The following ADGRL2 variants were observed in gnomAD, a reference collection of about 807,000 sequenced individuals.
The protein encoded by ADGRL2 is calcium-independent alpha-latrotoxin receptor 2.
In ADGRL2, 44 loss-of-function variants were observed where a neutral mutation model predicts 157.4. The ratio of observed to expected loss-of-function variants is 0.28; its 90% CI spans 0.22 to 0.36. The LOEUF (loss-of-function observed/expected upper bound fraction) is 0.36, where lower values mean the gene tolerates loss of function less well. Among genes scored for constraint, ADGRL2 ranks in the 10% least tolerant of loss-of-function variants. ADGRL2 has a pLI of 1.00. For missense variants in ADGRL2, 1,510 were observed against 1,768.9 expected, an observed-to-expected ratio of 0.85 and a Z score of 2.63; for synonymous variants, 585 against 624.7, an observed-to-expected ratio of 0.94 and a Z score of 0.95.
chr1:81,759,790 T>C (rs1352469455), intron 1 of ADGRL2, among the ~76,000 whole-genome samples: 8 of 152,140 alleles, frequency 5.3e-5, no homozygotes, highest in African/African-American at 1.9e-4. Flanking sequence ...TTGCTTTATC[T>C]TTATTTTCCT....
At chr1:81,946,120 T>C (rs1431315952) in intron 6 of ADGRL2, among the ~76,000 whole-genome samples, 1 of 152,178 alleles carries the variant, frequency 6.6e-6, no homozygotes, top group African/African-American at 2.4e-5. Context: ...TTTATTTTGC[T>C]GAAATTCGTA....
At chr1:81,538,775 C>G (rs774031804) in intron 2 of ADGRL2, among the ~76,000 whole-genome samples, 1 of 151,982 alleles carries the variant, frequency 6.6e-6, no homozygotes, top group Non-Finnish European at 1.5e-5. Context: ...GAGGCCAAGG[C>G]GGGCAGATTG....
At chr1:81,881,461 C>T (rs2093985796) in intron 2 of ADGRL2, among the ~76,000 whole-genome samples, 1 of 152,214 alleles carries the variant, frequency 6.6e-6, no homozygotes, top group South Asian at 2.1e-4. Flanking sequence ...CAGGCGTGAG[C>T]CACCAAGCCT....
chr1:81,435,891 G>A (rs932466157), intron 1 of ADGRL2, among the ~76,000 whole-genome samples: 2 of 152,288 alleles, frequency 1.3e-5, no homozygotes, highest in Middle Eastern at 3.4e-3. Flanking sequence ...GAGGTCGGGA[G>A]TTTGAGACCA....
intron 1 of ADGRL2, among the ~76,000 whole-genome samples, chr1:81,321,754 T>C (rs1223391636): frequency 6.6e-6 from 1 of 150,486 alleles, no homozygotes; most frequent in Non-Finnish European, 1.5e-5. Flanking sequence ...GTCACAGATA[T>C]AATAAAAATG....
chr1:81,987,829 T>G lies in ADGRL2; in HGVS notation c.3638-40T>G, dbSNP rs190618534. On this transcript the variant is annotated intron_variant, in intron 22 of 23. Transcript: ENST00000686636. ...AATGTAACTGCAGCTTCTCTTTTCA[T>G]TCTCTTGTTTTTTTTCACTTTCCTT... The G allele has an allele frequency of 9.9e-6, 3 of 301,508 alleles. 1 individual carries two copies. In the East Asian group the frequency reaches 3.7e-4, roughly 38 times the overall value. 18.7% of individuals were successfully genotyped at this position (301,508 alleles called of 1,614,324 possible).
intron 2 of ADGRL2, among the ~76,000 whole-genome samples, chr1:81,530,239 C>T (rs1372306985): frequency 6.6e-6 from 1 of 152,118 alleles, no homozygotes; most frequent in African/African-American, 2.4e-5. Context: ...CCAGTACAGG[C>T]CCAGGATACA....
At chr1:81,465,573 A>G (rs369251069) in intron 2 of ADGRL2, among the ~76,000 whole-genome samples, 3 of 152,182 alleles carry the variant, frequency 2.0e-5, no homozygotes, top group East Asian at 1.9e-4. Flanking sequence ...TATTGAGATC[A>G]TAGTACAAAG....
intron 4 of ADGRL2, 132 bp downstream of exon 4, chr1:81,936,969 G>A (rs529929094): frequency 7.1e-6 from 4 of 563,558 alleles, no homozygotes; most frequent in Non-Finnish European, 1.3e-5. Context: ...TAACAGACTT[G>A]GGCCTCCAAT....
At chr1:81,981,107 C>T in intron 18 of ADGRL2, 1 of 447,312 alleles carries the variant, frequency 2.2e-6, no homozygotes, top group Non-Finnish European at 4.4e-6. Flanking sequence ...CTCTTTTCTG[C>T]TTATAATGCT....
At position 81,993,290 on chromosome 1, in the gene ADGRL2, C is replaced by T. The variant is rs1014121098; in HGVS notation, c.*2145C>T. On this transcript the variant is annotated 3_prime_UTR_variant, in exon 24 of 24. Coordinates refer to ENST00000686636, the MANE Select transcript of ADGRL2 (RefSeq NM_001366006.2). ...TTATAAACTACTTGCTAAAGGAGGG[C>T]ATTAGATAATCAAGTATTTTTAATT... Among the ~76,000 whole-genome samples, 2 of 150,602 alleles carry T rather than the reference C, an allele frequency of 1.3e-5. No individual in the cohort carries two copies. Among genetic ancestry groups the T allele is most frequent in the East Asian group, 3.9e-4 (2 of 5,146 alleles).
intron 3 of ADGRL2, among the ~76,000 whole-genome samples, chr1:81,615,913 T>A (rs79136419): frequency 0.13 from 19,091 of 152,100 alleles, 1,635 homozygotes; most frequent in Non-Finnish European, 0.18. Context: ...CAGAGGGTGA[T>A]TCTATTATAG....
chr1:81,906,921 C>T (rs550961574), intron 2 of ADGRL2, 96 bp from the exon 3 acceptor site: 38 of 976,054 alleles, frequency 3.9e-5, no homozygotes, highest in East Asian at 2.4e-4. Context: ...CATCTCTTGA[C>T]GATAGACATG....
chr1:81,510,694 A>G (rs558718161), intron 2 of ADGRL2, among the ~76,000 whole-genome samples: 4 of 152,332 alleles, frequency 2.6e-5, no homozygotes, highest in Middle Eastern at 6.8e-3. Flanking sequence ...AGGGGGCAGA[A>G]AGTTATGTAG....
chr1:81,382,039 C>T (rs2076353033), intron 1 of ADGRL2, among the ~76,000 whole-genome samples: 1 of 152,136 alleles, frequency 6.6e-6, no homozygotes, highest in Non-Finnish European at 1.5e-5. Context: ...CACTAATTAT[C>T]GACATGAAAG....
chr1:81,981,076 TTCTG>T (rs767843948), intron 18 of ADGRL2: 4 of 434,248 alleles, frequency 9.2e-6, no homozygotes, highest in East Asian at 4.6e-5. Flanking sequence ...TCTATTTTAA[TTCTG>T]TCTAATAATT....
chr1:81,598,240 A>G (rs557473404), intron 3 of ADGRL2, among the ~76,000 whole-genome samples: 30 of 152,322 alleles, frequency 2.0e-4, no homozygotes, highest in African/African-American at 6.5e-4. Context: ...AATTTATCCA[A>G]CCAGAGTTAC....
intron 2 of ADGRL2, among the ~76,000 whole-genome samples, chr1:81,781,202 T>C (rs1444571933): frequency 6.6e-6 from 1 of 152,162 alleles, no homozygotes; most frequent in Non-Finnish European, 1.5e-5. Context: ...AGGAATTATT[T>C]ACCAAGGTGA....
intron 1 of ADGRL2, among the ~76,000 whole-genome samples, chr1:81,713,049 T>C (rs11163352): frequency 0.42 from 63,542 of 151,780 alleles, 13,620 homozygotes; most frequent in Admixed American, 0.52. Context: ...TGAGCCACCA[T>C]GCCCGGCTTG....
Sources: gnomAD v4.1 joint callset for allele counts (sites outside exome capture counted in the v4.1 genomes callset) on GRCh38, gnomAD v4.1.1 for gene constraint, MANE v1.5 for transcripts, NCBI Gene and HGNC (gene_info 2026-07-23, HGNC 2026-07-21) for gene names.